Variants in CYTH3 observed in about 807,000 individuals in gnomAD.
The protein encoded by CYTH3 is cytohesin 3, also known as cytohesin-3.
Under a neutral mutation model 55.1 loss-of-function variants are expected in CYTH3, and 23 were observed. The observed-to-expected ratio is 0.42, with a 90% CI of 0.30 to 0.59. The LOEUF (loss-of-function observed/expected upper bound fraction) is 0.59. Among genes scored for constraint, CYTH3 ranks in the 20% least tolerant of loss-of-function variants. The pLI is 0.20. For synonymous variants in CYTH3, 249 were observed against 194.9 expected, an observed-to-expected ratio of 1.28 and a Z score of -2.31; for missense variants, 413 against 524.8, an observed-to-expected ratio of 0.79 and a Z score of 2.08.
At chr7:6,252,371 T>G (rs907436023) in intron 1 of CYTH3, among the ~76,000 whole-genome samples, 1 of 152,224 alleles carries the variant, frequency 6.6e-6, no homozygotes, top group Non-Finnish European at 1.5e-5. Flanking sequence ...GCCTCACATA[T>G]ACTCTCTGGT....
intron 1 of CYTH3, among the ~76,000 whole-genome samples, chr7:6,236,522 T>C (rs1043849245): frequency 2.0e-5 from 3 of 151,750 alleles, no homozygotes; most frequent in African/African-American, 7.3e-5. Context: ...CAAATAACTA[T>C]TTCTTATGAT....
chr7:6,181,819 C>G (rs1417134716), intron 4 of CYTH3, among the ~76,000 whole-genome samples: 1 of 152,150 alleles, frequency 6.6e-6, no homozygotes, highest in Non-Finnish European at 1.5e-5. Flanking sequence ...TTCTTAAACT[C>G]TGTTCTAGCA....
At chr7:6,229,486 G>T (rs1369553723) in intron 1 of CYTH3, among the ~76,000 whole-genome samples, 1 of 152,016 alleles carries the variant, frequency 6.6e-6, no homozygotes, top group Non-Finnish European at 1.5e-5. Context: ...TTAAGCCTCA[G>T]TTTTCCCAGC....
intron 1 of CYTH3, among the ~76,000 whole-genome samples, chr7:6,251,378 G>C (rs1032762812): frequency 1.3e-5 from 2 of 150,532 alleles, no homozygotes; most frequent in African/African-American, 4.9e-5. Context: ...GAGAGAAGGA[G>C]GGGAGACATG....
chr7:6,213,537 T>C (rs953812262), intron 1 of CYTH3, among the ~76,000 whole-genome samples: 2 of 151,812 alleles, frequency 1.3e-5, no homozygotes, highest in African/African-American at 4.9e-5. Flanking sequence ...CATGGTTTTT[T>C]GTTTGTTTGT....
intron 1 of CYTH3, 65 bp downstream of exon 1, chr7:6,272,409 C>CGGGGGGGGGGGG: frequency 1.5e-5 from 18 of 1,212,360 alleles, no homozygotes; most frequent in African/African-American, 8.2e-5. Flanking sequence ...GCCGCGCCCT[C>CGGGGGGGGGGGG]GACCCCCAGC....
At position 6,171,461 on chromosome 7, in the gene CYTH3, AAGG is replaced by A; in HGVS notation, c.450-150_450-148del. The stretch of plus-strand genomic sequence containing the variant: ...AGGGGCTTGGGGGCGCAGAGACAGA[AAGG>A]AGAAGACCCAGGACAGTCTCCTTCC... On this transcript the variant is annotated intron_variant, in intron 6 of 12. Coordinates refer to ENST00000350796, the MANE Select transcript of CYTH3 (RefSeq NM_004227.4). The surrounding 1 kb of genome is among the most constrained non-coding windows in gnomAD (Gnocchi z 6.7). 1 of 649,424 alleles carries A rather than the reference AAGG, an allele frequency of 1.5e-6. No homozygotes were observed. Among genetic ancestry groups the A allele is most frequent in the Non-Finnish European group, 2.7e-6 (1 of 371,580 alleles). 40.2% of individuals were successfully genotyped at this position (649,424 alleles called of 1,614,324 possible).
At chr7:6,184,037 C>T (rs1013410677) in intron 4 of CYTH3, among the ~76,000 whole-genome samples, 1 of 149,634 alleles carries the variant, frequency 6.7e-6, no homozygotes, top group Non-Finnish European at 1.5e-5. Context: ...TGTTTACGCA[C>T]CCCCTCTGTG....
chr7:6,264,515 G>A (rs75032210), intron 1 of CYTH3, among the ~76,000 whole-genome samples: 6,178 of 152,254 alleles, frequency 0.041, 471 homozygotes, highest in East Asian at 0.34. Context: ...GGAAGGCTGA[G>A]GCAGAAGAAT....
chr7:6,219,193 T>C (rs1295742583), intron 1 of CYTH3, among the ~76,000 whole-genome samples: 7 of 152,138 alleles, frequency 4.6e-5, no homozygotes, highest in African/African-American at 7.2e-5. Flanking sequence ...GAAACTATTA[T>C]ATACTAGCAG....
intron 1 of CYTH3, among the ~76,000 whole-genome samples, chr7:6,244,462 C>A (rs1779754464): frequency 6.6e-6 from 1 of 152,178 alleles, no homozygotes; most frequent in South Asian, 2.1e-4. Context: ...TTCAAAATGT[C>A]CGAAAAATTA....
rs1370634434 is a variant in CYTH3 at position 6,259,819 on chromosome 7, T to TA, written c.34+12654dup. Among the ~76,000 whole-genome samples, 235 of 25,762 alleles carry TA rather than the reference T, an allele frequency of 9.1e-3. 10 individuals carry two copies. The highest frequency in any genetic ancestry group is 0.078 in the East Asian group (68 of 876). The allele number at this position is 25,762 out of a possible 152,430, so 16.9% of individuals were successfully genotyped here. A position where few individuals can be genotyped will look rare whatever the true frequency, so the allele number is the denominator to read the frequency against. Reference sequence around the variant, plus strand: ...TATATATATATATATATATAATATATATATATATATATATTTTTTTTTTTT... The same window carrying TA: ...TATATATATATATATATATAATATATAATATATATATATATTTTTTTTTTTT... On this transcript the variant is annotated intron_variant, in intron 1 of 12. Coordinates refer to ENST00000350796, the MANE Select transcript of CYTH3 (RefSeq NM_004227.4).
At chr7:6,222,995 T>C (rs1779120298) in intron 1 of CYTH3, among the ~76,000 whole-genome samples, 1 of 152,230 alleles carries the variant, frequency 6.6e-6, no homozygotes, top group Admixed American at 6.5e-5. Context: ...CTGGCAGCCT[T>C]TACTGACAGG....
At chr7:6,208,119 G>A (rs180997854) in intron 1 of CYTH3, among the ~76,000 whole-genome samples, 1 of 152,284 alleles carries the variant, frequency 6.6e-6, no homozygotes, top group East Asian at 1.9e-4. Context: ...TCAAGTGTAG[G>A]TATACACATC....
intron 1 of CYTH3, among the ~76,000 whole-genome samples, chr7:6,224,459 T>TA (rs1400556927): frequency 9.2e-5 from 14 of 152,344 alleles, no homozygotes; most frequent in African/African-American, 2.9e-4. Flanking sequence ...AATGAGGGTC[T>TA]AGACCCCTAC....
At chr7:6,253,593 A>C (rs1421325895) in intron 1 of CYTH3, among the ~76,000 whole-genome samples, 1 of 151,988 alleles carries the variant, frequency 6.6e-6, no homozygotes, top group African/African-American at 2.4e-5. Context: ...CAAGGCGGGC[A>C]GATCACAAGG....
In CYTH3 at chr7:6,171,654, G is replaced by T; in HGVS notation, c.450-340C>A. The T allele has an allele frequency of 3.5e-6, 1 of 287,296 alleles. No individual in the cohort carries two copies. The highest frequency in any genetic ancestry group is 7.6e-5 in the East Asian group (1 of 13,114). The allele number at this position is 287,296 out of a possible 1,614,324, so 17.8% of individuals were successfully genotyped here. ...CTGCTGCTGCCAGGTGATCACCAGA[G>T]CCCTGCCTGTCCCGAGCTGCCACCA... On this transcript the variant is annotated intron_variant, in intron 6 of 12. Transcript: ENST00000350796. This position sits in a 1 kb window ranked among gnomAD's most constrained non-coding sequence, Gnocchi z 6.7.
At chr7:6,209,080 CAGAT>C (rs1175892891) in intron 1 of CYTH3, among the ~76,000 whole-genome samples, 1 of 152,216 alleles carries the variant, frequency 6.6e-6, no homozygotes, top group East Asian at 1.9e-4. Context: ...ATGAATGCAA[CAGAT>C]AGAGAGGCAA....
At chr7:6,263,875 T>C (rs1055376627) in intron 1 of CYTH3, among the ~76,000 whole-genome samples, 42 of 152,046 alleles carry the variant, frequency 2.8e-4, no homozygotes, top group African/African-American at 1.0e-3. Flanking sequence ...ACAAGGTCTA[T>C]ATATAATCAC....
Sources: allele counts gnomAD v4.1 joint callset (sites outside exome capture counted in the v4.1 genomes callset), GRCh38; gene constraint gnomAD v4.1.1; non-coding constraint Gnocchi (gnomAD v3.1); transcripts MANE v1.5; gene names NCBI Gene and HGNC (gene_info 2026-07-23, HGNC 2026-07-21).